PBRM1: variants seen among roughly 807,000 people sequenced by gnomAD.
PBRM1 encodes protein polybromo-1.
A neutral mutation model predicts 194.5 loss-of-function variants in PBRM1; 27 were observed. The observed-to-expected ratio is 0.14, with a 90% CI of 0.10 to 0.19. PBRM1 has a LOEUF of 0.19. Ranked by LOEUF, PBRM1 falls within the 10% of genes least tolerant of loss-of-function variation. The pLI is 1.00. For missense variants in PBRM1, 1,466 were observed against 2,077.2 expected, an observed-to-expected ratio of 0.71 and a Z score of 5.72; for synonymous variants, 655 against 693.2, an observed-to-expected ratio of 0.94 and a Z score of 0.87.
At chr3:52,587,306 T>C (rs754343152) in intron 19 of PBRM1, 47 bp downstream of exon 21, 1 of 1,354,940 alleles carries the variant, frequency 7.4e-7, no homozygotes, top group South Asian at 1.3e-5. Flanking sequence ...TTTAAAATTT[T>C]ATTCCTAGGG....
intron 2 of PBRM1, among the ~76,000 whole-genome samples, chr3:52,676,282 T>G (rs146525007): frequency 3.2e-3 from 482 of 152,300 alleles, no homozygotes; most frequent in African/African-American, 0.011. Context: ...TGTATCCCCA[T>G]TCAAATCTCA....
rs781469802 is a variant in PBRM1 at position 52,620,071 on chromosome 3, A to G, written c.1542-2533T>C. ...GTTTGTTAGATATTTTACCTAGTGGAAACTCCTTCTCCAAGGAGACATCCT... is the reference window on the plus strand; with the variant it reads ...GTTTGTTAGATATTTTACCTAGTGGGAACTCCTTCTCCAAGGAGACATCCT... On this transcript the variant is annotated intron_variant, in intron 13 of 29. Transcript: ENST00000296302. 5.8e-4 allele frequency among the ~76,000 whole-genome samples: 88 copies of G among 152,314 alleles called. No homozygotes were observed. In the Middle Eastern group the frequency reaches 0.01, roughly 18 times the overall value.
chr3:52,654,439 C>T lies in PBRM1; in HGVS notation c.646-2629G>A, dbSNP rs1403368077. Among the ~76,000 whole-genome samples, 3 of 152,148 alleles carry T rather than the reference C, an allele frequency of 2.0e-5. No homozygotes were observed. The East Asian group carries it at 5.8e-4, about 29-fold the overall frequency. ...GGAGTACAAAGTAATTCAAAGTCAT[C>T]CAATCCCACAAATTCCCAATCTATC... On this transcript the variant is annotated intron_variant, in intron 5 of 29. Coordinates refer to ENST00000296302, the Ensembl canonical transcript of PBRM1.
At position 52,550,414 on chromosome 3, in the gene PBRM1, A is replaced by ATCT. The variant is rs2080658469; in HGVS notation, c.4897+4_4897+6dup. The ATCT allele has an allele frequency of 1.0e-6, 1 of 973,792 alleles. No homozygotes were observed. Among genetic ancestry groups the ATCT allele is most frequent in the Non-Finnish European group, 1.4e-6 (1 of 710,238 alleles). The allele number at this position is 973,792 out of a possible 1,614,324, so 60.3% of individuals were successfully genotyped here. A position where few individuals can be genotyped will look rare whatever the true frequency, so the allele number is the denominator to read the frequency against. ...TTTCACAAAGGCTTATTTAGAAGGAATCTTACCTGCCAGTGTCTGATCCCA... is the reference window on the plus strand; with the variant it reads ...TTTCACAAAGGCTTATTTAGAAGGAATCTTCTTACCTGCCAGTGTCTGATCCCA... On this transcript the variant is annotated splice_region_variant and intron_variant, in intron 29 of 29. Coordinates refer to ENST00000296302, the Ensembl canonical transcript of PBRM1.
At chr3:52,565,892 T>C (rs1449580894) in intron 22 of PBRM1, among the ~76,000 whole-genome samples, 2 of 151,822 alleles carry the variant, frequency 1.3e-5, no homozygotes, top group East Asian at 1.9e-4. Context: ...CTACTAACAG[T>C]ACAAAAAATT....
Position 52,579,216 on chromosome 3 carries a change from T to C in PBRM1, c.3388-17A>G, listed in dbSNP as rs767288140. On this transcript the variant is annotated splice_polypyrimidine_tract_variant and intron_variant, in intron 20 of 29. Transcript: ENST00000296302. ...TTCTTTTTCCTGTTGTAAAGAAAAC[T>C]GGCTGAAGAAAGGTAGTTGATAATC... The C allele has an allele frequency of 6.2e-6, 10 of 1,611,750 alleles. No individual in the cohort carries two copies. Among genetic ancestry groups the C allele is most frequent in the South Asian group, 1.1e-5 (1 of 91,016 alleles).
At chr3:52,598,787 G>C (rs957232612) in intron 17 of PBRM1, among the ~76,000 whole-genome samples, 1 of 152,074 alleles carries the variant, frequency 6.6e-6, no homozygotes, top group African/African-American at 2.4e-5. Flanking sequence ...TTGGGAGGCG[G>C]AAGCAGGCAG....
chr3:52,560,805 T>G (rs982336884), intron 25 of PBRM1: 2 of 152,152 alleles, frequency 1.3e-5, no homozygotes, highest in African/African-American at 4.8e-5. Flanking sequence ...AGTAATCAAA[T>G]AATTATAATA....
At chr3:52,584,449 G>GTTTTTT (rs2092000766) in intron 20 of PBRM1, among the ~76,000 whole-genome samples, 1 of 80,792 alleles carries the variant, frequency 1.2e-5, no homozygotes, top group African/African-American at 6.4e-5. Flanking sequence ...AAGTATTCTT[G>GTTTTTT]CTTTTTTTTT....
chr3:52,630,221 A>C (rs1387956156), intron 11 of PBRM1, among the ~76,000 whole-genome samples: 1 of 151,768 alleles, frequency 6.6e-6, no homozygotes, highest in Non-Finnish European at 1.5e-5. Context: ...AAAAAGAAAA[A>C]AAAATAGGGG....
chr3:52,644,766 T>G, exon 8 of PBRM1: 2 of 1,522,664 alleles, frequency 1.3e-6, no homozygotes, highest in Admixed American at 3.4e-5. Flanking sequence ...TCATATAAAA[T>G]ATTTTTTTAA....
chr3:52,575,065 A>C (rs1243900014), intron 22 of PBRM1, among the ~76,000 whole-genome samples: 1 of 151,940 alleles, frequency 6.6e-6, no homozygotes, highest in Non-Finnish European at 1.5e-5. Context: ...CCACACCTGG[A>C]TAATTTCTGT....
chr3:52,560,477 T>C (rs1428140385), intron 25 of PBRM1: 1 of 152,250 alleles, frequency 6.6e-6, no homozygotes, highest in Non-Finnish European at 1.5e-5. Context: ...TCATAGGTAC[T>C]ACATAAATAC....
exon 25 of PBRM1, chr3:52,561,819 C>G (rs1383905051): frequency 1.9e-6 from 3 of 1,614,160 alleles, no homozygotes; most frequent in Non-Finnish European, 2.5e-6. Context: ...CTGTCCCCAC[C>G]AGGCGGCTGA....
At chr3:52,678,656 A>T (rs1033848863) in intron 1 of PBRM1, 59 bp from the exon 3 acceptor site, 2 of 1,060,496 alleles carry the variant, frequency 1.9e-6, no homozygotes, top group Non-Finnish European at 2.9e-6. Flanking sequence ...GCCAGTGTAG[A>T]CATAAGAATT....
At chr3:52,656,160 T>C (rs2096603832) in intron 5 of PBRM1, among the ~76,000 whole-genome samples, 1 of 152,246 alleles carries the variant, frequency 6.6e-6, no homozygotes, top group Non-Finnish European at 1.5e-5. Context: ...GTTAATTATC[T>C]TTTGGGTGTA....
chr3:52,655,859 T>C (rs2096597844), intron 5 of PBRM1, among the ~76,000 whole-genome samples: 1 of 152,204 alleles, frequency 6.6e-6, no homozygotes, highest in Admixed American at 6.5e-5. Context: ...AACAAGCATC[T>C]TGCATATCTA....
intron 3 of PBRM1, among the ~76,000 whole-genome samples, chr3:52,664,735 A>C (rs2096796917): frequency 6.7e-6 from 1 of 149,814 alleles, no homozygotes; most frequent in Non-Finnish European, 1.5e-5. Flanking sequence ...CTCTATCACA[A>C]AAAAAAAAAG....
intron 6 of PBRM1, 52 bp downstream of exon 7, chr3:52,651,690 A>G: frequency 9.6e-7 from 1 of 1,037,648 alleles, no homozygotes; most frequent in Non-Finnish European, 1.4e-6. Context: ...AGGAAAGATC[A>G]TAGGCCAATC....
Sources: gnomAD v4.1 joint callset for allele counts (sites outside exome capture counted in the v4.1 genomes callset) on GRCh38, gnomAD v4.1.1 for gene constraint, MANE v1.5 for transcripts, NCBI Gene and HGNC (gene_info 2026-07-23, HGNC 2026-07-21) for gene names.